TRIQK: variants seen among roughly 807,000 people sequenced by gnomAD.
The protein encoded by TRIQK is triple QxxK/R motif-containing protein.
Under a neutral mutation model 10.8 loss-of-function variants are expected in TRIQK, and 10 were observed. The ratio of observed to expected loss-of-function variants is 0.92; its 90% confidence interval spans 0.57 to 1.57. The LOEUF (loss-of-function observed/expected upper bound fraction) is 1.57, where lower values mean the gene tolerates loss of function less well. TRIQK is among the 40% of genes most tolerant of loss of function. TRIQK has a pLI of 0.00. For missense variants in TRIQK, 107 were observed against 97.7 expected (o/e 1.09, Z -0.40); for synonymous variants, 33 against 33.7 (o/e 0.98, Z 0.07).
At chr8:92,974,065 T>C (rs1812904496) in intron 1 of TRIQK, 1 of 152,272 alleles carries the variant, frequency 6.6e-6, no homozygotes, top group Non-Finnish European at 1.5e-5. Flanking sequence ...CCCTGTGCCA[T>C]CAACAGCAGC....
intron 3 of TRIQK, among the ~76,000 whole-genome samples, chr8:92,915,888 G>T (rs1233997339): frequency 6.6e-6 from 1 of 151,820 alleles, no homozygotes; most frequent in African/African-American, 2.4e-5. Context: ...AATATATTTT[G>T]CTTTATAGAG....
At chr8:93,001,365 T>G (rs1190817530) in intron 1 of TRIQK, among the ~76,000 whole-genome samples, 1 of 148,900 alleles carries the variant, frequency 6.7e-6, no homozygotes, top group East Asian at 1.9e-4. Flanking sequence ...AAAACAATAC[T>G]CAAGTATATA....
chr8:92,926,042 T>C (rs535058003), intron 2 of TRIQK, among the ~76,000 whole-genome samples: 2 of 151,790 alleles, frequency 1.3e-5, no homozygotes, highest in East Asian at 3.9e-4. Context: ...ATCGCGCCAC[T>C]GCACTCCAGC....
At chr8:92,916,604 A>G (rs1809863146) in intron 3 of TRIQK, among the ~76,000 whole-genome samples, 2 of 152,140 alleles carry the variant, frequency 1.3e-5, no homozygotes, top group South Asian at 2.1e-4. Flanking sequence ...TATAATATGT[A>G]TACAAAGGAA....
intron 1 of TRIQK, among the ~76,000 whole-genome samples, chr8:92,955,418 A>C (rs1812119853): frequency 6.6e-6 from 1 of 151,866 alleles, no homozygotes; most frequent in African/African-American, 2.4e-5. Flanking sequence ...CAAACACGAA[A>C]TTTAATTCAA....
chr8:92,907,529 A>G (rs892895331), intron 3 of TRIQK, among the ~76,000 whole-genome samples: 2 of 152,200 alleles, frequency 1.3e-5, no homozygotes, highest in Non-Finnish European at 2.9e-5. Flanking sequence ...GTATTAACTA[A>G]AAGCAAAGTC....
At chr8:93,014,340 C>T (rs977703309) in intron 1 of TRIQK, among the ~76,000 whole-genome samples, 5 of 151,836 alleles carry the variant, frequency 3.3e-5, no homozygotes, top group South Asian at 2.1e-4. Flanking sequence ...TATGCAAGCC[C>T]GTTATTACTA....
At chr8:92,967,736 T>C (rs1454362951), upstream of TRIQK, among the ~76,000 whole-genome samples, 1 of 148,688 alleles carries the variant, frequency 6.7e-6, no homozygotes, top group Non-Finnish European at 1.5e-5. Flanking sequence ...GCAGGAGAAT[T>C]GCTTGAGCCC....
chr8:92,900,095 A>G (rs1808841922), intron 3 of TRIQK, among the ~76,000 whole-genome samples: 1 of 152,122 alleles, frequency 6.6e-6, no homozygotes. Context: ...CAAAACTCAG[A>G]TTATTAAATT....
chr8:93,010,343 A>G (rs1172274871), intron 1 of TRIQK, among the ~76,000 whole-genome samples: 3 of 152,170 alleles, frequency 2.0e-5, no homozygotes, highest in African/African-American at 7.2e-5. Context: ...TACTCAATGT[A>G]TCTATGTATT....
intron 3 of TRIQK, among the ~76,000 whole-genome samples, chr8:92,906,140 G>A (rs754516121): frequency 1.3e-5 from 2 of 152,134 alleles, no homozygotes; most frequent in Admixed American, 6.5e-5. Context: ...AATTTGAGTA[G>A]TATATTTTGT....
rs1816420708 is a variant in TRIQK, at chr8:92,885,330, TG to T, written c.*1291del. On this transcript the variant is annotated 3_prime_UTR_variant, in exon 5 of 5. Transcript: ENST00000521988. ...GATATTTCCCAAGGATTTCTTCTCTTGGCTAGCAGGAAAACAATCTTAATAT... is the reference window on the plus strand; with the variant it reads ...GATATTTCCCAAGGATTTCTTCTCTTGCTAGCAGGAAAACAATCTTAATAT... 2 of 195,400 alleles carry T rather than the reference TG, an allele frequency of 1.0e-5. No homozygotes were observed. The highest frequency in any genetic ancestry group is 2.0e-4 in the South Asian group (2 of 10,170). The allele number at this position is 195,400 out of a possible 1,614,324, so 12.1% of individuals were successfully genotyped here.
intron 3 of TRIQK, among the ~76,000 whole-genome samples, chr8:92,904,891 G>C (rs2130370817): frequency 6.6e-6 from 1 of 152,238 alleles, no homozygotes; most frequent in East Asian, 1.9e-4. Flanking sequence ...ATTTATGGAG[G>C]TCTGCATGTT....
intron 3 of TRIQK, among the ~76,000 whole-genome samples, chr8:92,915,475 T>A (rs1252618112): frequency 6.6e-6 from 1 of 151,650 alleles, no homozygotes; most frequent in Non-Finnish European, 1.5e-5. Context: ...CTTAAATACG[T>A]ACTATAAACA....
intron 1 of TRIQK, among the ~76,000 whole-genome samples, chr8:92,972,006 C>G (rs996355014): frequency 6.6e-6 from 1 of 152,108 alleles, no homozygotes; most frequent in Admixed American, 6.6e-5. Flanking sequence ...ACACTTTTAT[C>G]ATTATGCAAT....
chr8:92,961,319 G>C (rs1812444635), intron 1 of TRIQK, among the ~76,000 whole-genome samples: 1 of 152,020 alleles, frequency 6.6e-6, no homozygotes, highest in South Asian at 2.1e-4. Context: ...TAGGAATGCA[G>C]ACAAAGCAGA....
At position 92,916,926 on chromosome 8, in the gene TRIQK, T is replaced by C. The variant is rs1346356405; in HGVS notation, c.61+3A>G. On this transcript the variant is annotated splice_donor_region_variant and intron_variant, in intron 3 of 4. Transcript: ENST00000521988. ...AGTGTATCAAAGATAATTCATTGCT[T>C]ACCAATTTGTTTTCTGTACTGATCA... 2 of 1,467,402 alleles carry C rather than the reference T, an allele frequency of 1.4e-6. No homozygotes were observed. Among genetic ancestry groups the C allele is most frequent in the Admixed American group, 4.8e-5 (2 of 41,520 alleles). 90.9% of individuals were successfully genotyped at this position (1,467,402 alleles called of 1,614,324 possible).
intron 1 of TRIQK, among the ~76,000 whole-genome samples, chr8:93,009,693 G>T (rs1157785304): frequency 6.6e-6 from 1 of 151,804 alleles, no homozygotes; most frequent in Non-Finnish European, 1.5e-5. Flanking sequence ...ATGTAAACCA[G>T]TACAGCTATT....
chr8:92,949,470 T>C (rs1003329753), intron 2 of TRIQK, among the ~76,000 whole-genome samples: 26 of 151,154 alleles, frequency 1.7e-4, no homozygotes, highest in African/African-American at 5.4e-4. Context: ...CATCATTACA[T>C]CATGCTGATG....
Sources: allele counts gnomAD v4.1 joint callset (sites outside exome capture counted in the v4.1 genomes callset), GRCh38; gene constraint gnomAD v4.1.1; transcripts MANE v1.5; gene names NCBI Gene and HGNC (gene_info 2026-07-23, HGNC 2026-07-21).